The following DCDC1 variants were observed in gnomAD, a reference collection of about 807,000 sequenced individuals.
DCDC1 encodes doublecortin domain-containing protein 1.
DCDC1 carries 200 observed loss-of-function variants against 178.3 expected under a neutral mutation model. The observed-to-expected ratio is 1.12, with a 90% CI of 1.00 to 1.26. The LOEUF (loss-of-function observed/expected upper bound fraction) is 1.26, where lower values mean the gene tolerates loss of function less well. Ranked by LOEUF, DCDC1 falls within the 50% of genes most tolerant of loss-of-function variation. The pLI, the probability that DCDC1 is intolerant of heterozygous loss-of-function variation, is 0.00. For missense variants in DCDC1, 1,983 were observed against 1,749.2 expected (o/e 1.13, Z -2.38); for synonymous variants, 690 against 604.8 (o/e 1.14, Z -2.07).
At chr11:31,047,599 G>A (rs1390805317) in intron 20 of DCDC1, among the ~76,000 whole-genome samples, 1 of 152,112 alleles carries the variant, frequency 6.6e-6, no homozygotes, top group Non-Finnish European at 1.5e-5. Context: ...CAATAGAGGT[G>A]ATTTAATATA....
chr11:31,017,142 G>T (rs1425138716), intron 20 of DCDC1, among the ~76,000 whole-genome samples: 2 of 152,074 alleles, frequency 1.3e-5, no homozygotes, highest in African/African-American at 2.4e-5. Flanking sequence ...GTAAAAAAAA[G>T]ATTAGCTAAA....
In DCDC1 at chr11:30,878,611, C is replaced by G. The variant is rs758178112; in HGVS notation, c.5334G>C (p.Leu1778=). ...TDIVVSPSTK[L]LSLAHLHN ...AATTGTGGAGATGTGCCAGAGACAG[C>G]AGCTTCGTGGATGGTGACACCACAA... Residue 1778 remains leucine (L), a synonymous_variant, in exon 38 of 39, where the codon CTG becomes CTC. Transcript: ENST00000684477. The G allele has an allele frequency of 4.9e-5, 79 of 1,606,550 alleles. 2 individuals are homozygous for G. The South Asian group carries it at 8.8e-4, about 18-fold the overall frequency.
chr11:30,944,768 A>G (rs1386515394), intron 21 of DCDC1, among the ~76,000 whole-genome samples: 1 of 152,086 alleles, frequency 6.6e-6, no homozygotes, highest in Non-Finnish European at 1.5e-5. Context: ...GTCTATCTTT[A>G]GCTACTGTAG....
At chr11:31,124,273 A>G (rs910235279) in intron 11 of DCDC1, among the ~76,000 whole-genome samples, 1 of 152,108 alleles carries the variant, frequency 6.6e-6, no homozygotes, top group Admixed American at 6.6e-5. Context: ...ATCTCTTGAG[A>G]TAATCATGTG....
intron 9 of DCDC1, among the ~76,000 whole-genome samples, chr11:31,213,096 C>T (rs866812456): frequency 1.7e-4 from 15 of 85,742 alleles, no homozygotes; most frequent in South Asian, 1.3e-3. Context: ...TATATAAAGC[C>T]CAGCCTCTCT....
chr11:31,300,547 G>C (rs773795622), intron 6 of DCDC1, among the ~76,000 whole-genome samples: 3 of 152,026 alleles, frequency 2.0e-5, no homozygotes, highest in African/African-American at 7.2e-5. Context: ...CAGACACAGG[G>C]ACTAGAATCT....
chr11:30,996,214 A>C (rs1407438579), intron 20 of DCDC1, among the ~76,000 whole-genome samples: 1 of 152,162 alleles, frequency 6.6e-6, no homozygotes, highest in Non-Finnish European at 1.5e-5. Flanking sequence ...ATAATGAACG[A>C]TCACCACACA....
chr11:30,873,347 A>AGG (rs1565008061), intron 38 of DCDC1, among the ~76,000 whole-genome samples: 1 of 117,188 alleles, frequency 8.5e-6, no homozygotes, highest in African/African-American at 3.1e-5. Context: ...GTATATACAT[A>AGG]TATATATATA....
At chr11:31,278,796 T>C (rs1010964053) in intron 7 of DCDC1, among the ~76,000 whole-genome samples, 3 of 152,134 alleles carry the variant, frequency 2.0e-5, no homozygotes, top group Non-Finnish European at 4.4e-5. Context: ...AAAATTTTTA[T>C]TTGTCAATTT....
intron 9 of DCDC1, among the ~76,000 whole-genome samples, chr11:31,141,961 T>C (rs750858745): frequency 6.6e-6 from 1 of 152,272 alleles, no homozygotes; most frequent in African/African-American, 2.4e-5. Context: ...CAATAACTCA[T>C]TGTGTGTTAT....
Position 30,979,482 on chromosome 11 carries a change from A to G in DCDC1, c.2592-26914T>C, listed in dbSNP as rs113199695. On this transcript the variant is annotated intron_variant, in intron 20 of 38. Coordinates refer to ENST00000684477, the MANE Select transcript of DCDC1 (RefSeq NM_001387274.1). ...TACATGCCCAGGGAATGTCCCATGC[A>G]TCTTATCTATGTTTTACTTCTCATT... Among the ~76,000 whole-genome samples, 319 of 152,330 alleles carry G rather than the reference A, an allele frequency of 2.1e-3. 1 individual carries two copies. The highest frequency in any genetic ancestry group is 7.2e-3 in the African/African-American group (299 of 41,580).
At chr11:31,114,894 A>C (rs208077) in intron 11 of DCDC1, among the ~76,000 whole-genome samples, 85,745 of 151,994 alleles carry the variant, frequency 0.56, 25,109 homozygotes, top group East Asian at 0.93. Context: ...TGGCTCAAAC[A>C]AGAGTATTAA....
intron 1 of DCDC1, among the ~76,000 whole-genome samples, chr11:31,356,101 A>G (rs1230695920): frequency 6.6e-6 from 1 of 152,128 alleles, no homozygotes; most frequent in African/African-American, 2.4e-5. Context: ...TTTAGAGGAG[A>G]TAGCTACAGT....
At chr11:31,235,227 T>C (rs1976304835) in intron 9 of DCDC1, among the ~76,000 whole-genome samples, 1 of 152,086 alleles carries the variant, frequency 6.6e-6, no homozygotes, top group African/African-American at 2.4e-5. Context: ...TTCCATTTTT[T>C]ACAATTATGG....
chr11:30,988,133 T>C (rs1031406591), intron 20 of DCDC1, among the ~76,000 whole-genome samples: 1 of 152,136 alleles, frequency 6.6e-6, no homozygotes, highest in African/African-American at 2.4e-5. Flanking sequence ...AGTGAAATTA[T>C]CTGGTTTTCA....
intron 38 of DCDC1, among the ~76,000 whole-genome samples, chr11:30,871,059 T>C (rs1941504117): frequency 6.6e-6 from 1 of 152,176 alleles, no homozygotes; most frequent in Admixed American, 6.5e-5. Flanking sequence ...TCTAAAGGAA[T>C]GAGTAGAAGC....
At chr11:30,867,677 G>T (rs1302741045) in intron 38 of DCDC1, among the ~76,000 whole-genome samples, 1 of 152,158 alleles carries the variant, frequency 6.6e-6, no homozygotes, top group African/African-American at 2.4e-5. Context: ...ACCTCCCTCT[G>T]TTGCTCTGGT....
chr11:30,998,487 T>C (rs1392046935), intron 20 of DCDC1, among the ~76,000 whole-genome samples: 5 of 152,064 alleles, frequency 3.3e-5, no homozygotes, highest in Non-Finnish European at 2.9e-5. Flanking sequence ...AACAATAAGT[T>C]TAATAAATAA....
At chr11:30,973,250 G>A (rs775620777) in intron 20 of DCDC1, among the ~76,000 whole-genome samples, 1 of 145,992 alleles carries the variant, frequency 6.8e-6, no homozygotes, top group Non-Finnish European at 1.5e-5. Flanking sequence ...CTCCAACCTG[G>A]GTGACAGAGT....
Sources: allele counts gnomAD v4.1 joint callset (sites outside exome capture counted in the v4.1 genomes callset), GRCh38; gene constraint gnomAD v4.1.1; transcripts MANE v1.5; gene names NCBI Gene and HGNC (gene_info 2026-07-23, HGNC 2026-07-21).